Variants in CERKL observed in about 807,000 individuals in gnomAD.
CERKL encodes the protein ceramide kinase-like protein.
A neutral mutation model predicts 63.4 loss-of-function variants in CERKL; 61 were observed. That is an observed-to-expected ratio of 0.96 (90% CI 0.78 to 1.19). The LOEUF (loss-of-function observed/expected upper bound fraction) is 1.19. Among genes scored for constraint, CERKL ranks in the 50% most tolerant of loss-of-function variants. CERKL has a pLI of 0.00. For missense variants in CERKL, 675 were observed against 655.5 expected (o/e 1.03, Z -0.33); for synonymous variants, 250 against 230.5 (o/e 1.08, Z -0.77).
intron 1 of CERKL, among the ~76,000 whole-genome samples, chr2:181,606,564 A>G (rs1005913499): frequency 7.8e-5 from 1 of 12,776 alleles, no homozygotes; most frequent in Non-Finnish European, 1.6e-4. Flanking sequence ...AGGAGAGGGT[A>G]GGGGAGAAGG....
At chr2:181,596,198 T>A (rs962838080) in intron 2 of CERKL, among the ~76,000 whole-genome samples, 3 of 152,230 alleles carry the variant, frequency 2.0e-5, no homozygotes, top group African/African-American at 7.2e-5. Flanking sequence ...AGAAATAAGA[T>A]GACAATGAAT....
At chr2:181,601,040 A>C (rs1294053459) in intron 2 of CERKL, among the ~76,000 whole-genome samples, 2 of 152,210 alleles carry the variant, frequency 1.3e-5, no homozygotes, top group African/African-American at 4.8e-5. Flanking sequence ...AGAAATGAAG[A>C]ACAAGAGGAA....
Position 181,589,740 on chromosome 2 carries a change from T to C in CERKL, c.481+14097A>G, listed in dbSNP as rs573621007. ...AAACATGGGTGAATTTATCTATAAG[T>C]TGAGTGTAAAGAAAGTCTTACTACA... On this transcript the variant is annotated intron_variant, in intron 2 of 12. Transcript: ENST00000410087. Among the ~76,000 whole-genome samples the C allele has an allele frequency of 9.8e-5, 15 of 152,318 alleles. No individual in the cohort carries two copies. The South Asian group carries it at 1.5e-3, about 15-fold the overall frequency.
At position 181,537,966 on chromosome 2, in the gene CERKL, G is replaced by C. The variant is rs1176683433; in HGVS notation, c.*218C>G. 1.5e-5 allele frequency: 10 copies of C among 650,786 alleles called. No individual in the cohort carries two copies. In the African/African-American group the frequency reaches 1.8e-4, roughly 12 times the overall value. The allele number at this position is 650,786 out of a possible 1,614,324, so 40.3% of individuals were successfully genotyped here. ...GAAGTGCGAACCATATGGTGAACTG[G>C]TATGTGAGGGATCTAGAGTGCCATG... On this transcript the variant is annotated 3_prime_UTR_variant, in exon 13 of 13. Transcript: ENST00000410087.
At chr2:181,593,726 T>G (rs1685079362) in intron 2 of CERKL, among the ~76,000 whole-genome samples, 1 of 152,060 alleles carries the variant, frequency 6.6e-6, no homozygotes, top group Admixed American at 6.6e-5. Flanking sequence ...CAGTTTCTCA[T>G]CTACAAATCC....
chr2:181,539,134 A>C lies in CERKL; in HGVS notation c.1496T>G (p.Val499Gly). ...TASENCFPWN[V>G]DGDLMEVASE... ...TGCAACTTCCATTAAGTCACCATCT[A>C]CATTCCAAGGGAAACAATTTTCTGA... The change falls in exon 12 of 13, where the codon GTA becomes GGA. Residue 499 changes from valine (V) to glycine (G), a missense_variant. By Grantham distance (109) the Val-to-Gly change is moderately radical (BLOSUM62 -3). Transcript: ENST00000410087. 6.2e-7 allele frequency: 1 copy of C among 1,608,732 alleles called. No homozygotes were observed. The highest frequency in any genetic ancestry group is 1.1e-5 in the South Asian group (1 of 90,948).
At chr2:181,559,492 C>G (rs2105821609) in intron 4 of CERKL, among the ~76,000 whole-genome samples, 1 of 152,254 alleles carries the variant, frequency 6.6e-6, no homozygotes, top group African/African-American at 2.4e-5. Flanking sequence ...TGTCACAACT[C>G]AAGGGCTACA....
intron 1 of CERKL, among the ~76,000 whole-genome samples, chr2:181,627,842 C>T (rs1186401672): frequency 3.9e-5 from 6 of 152,140 alleles, no homozygotes; most frequent in Non-Finnish European, 7.3e-5. Context: ...CTGAAATGTG[C>T]CACTCTTATT....
At chr2:181,628,780 T>A (rs1401153926) in intron 1 of CERKL, among the ~76,000 whole-genome samples, 1 of 152,166 alleles carries the variant, frequency 6.6e-6, no homozygotes, top group Admixed American at 6.5e-5. Context: ...ACCCAAGTAA[T>A]TACTGCTGAG....
At chr2:181,645,928 G>C (rs1687654424) in intron 1 of CERKL, among the ~76,000 whole-genome samples, 1 of 152,096 alleles carries the variant, frequency 6.6e-6, no homozygotes, top group Non-Finnish European at 1.5e-5. Context: ...AAATTATATA[G>C]TATACAAGGA....
intron 2 of CERKL, among the ~76,000 whole-genome samples, chr2:181,586,811 G>C (rs1012316437): frequency 6.6e-6 from 1 of 152,192 alleles, no homozygotes; most frequent in Non-Finnish European, 1.5e-5. Flanking sequence ...CGGCAGGGAC[G>C]CCACTCCCAG....
At chr2:181,596,100 T>G (rs1318126127) in intron 2 of CERKL, among the ~76,000 whole-genome samples, 1 of 152,184 alleles carries the variant, frequency 6.6e-6, no homozygotes, top group African/African-American at 2.4e-5. Context: ...TCTGACAAAG[T>G]TTATCTAAAT....
At chr2:181,572,830 G>C (rs978662319) in intron 3 of CERKL, among the ~76,000 whole-genome samples, 1 of 137,674 alleles carries the variant, frequency 7.3e-6, no homozygotes, top group Non-Finnish European at 1.5e-5. Flanking sequence ...CAGATCACTA[G>C]GTGTAGGTTT....
chr2:181,571,130 A>T (rs1335436216), intron 3 of CERKL, among the ~76,000 whole-genome samples: 3 of 152,214 alleles, frequency 2.0e-5, no homozygotes, highest in Non-Finnish European at 2.9e-5. Context: ...GATAGGCAGG[A>T]AGACTAAAAC....
At chr2:181,545,340 T>C (rs774261806) in intron 10 of CERKL, among the ~76,000 whole-genome samples, 2 of 152,208 alleles carry the variant, frequency 1.3e-5, no homozygotes, top group African/African-American at 2.4e-5. Flanking sequence ...GTTAAATGAC[T>C]GAACATTTTA....
chr2:181,573,140 A>C (rs925075251), intron 3 of CERKL, among the ~76,000 whole-genome samples: 1 of 152,204 alleles, frequency 6.6e-6, no homozygotes, highest in Admixed American at 6.5e-5. Flanking sequence ...AGAAACAAAG[A>C]AATGTGACTA....
At chr2:181,552,932 G>T (rs998108392) in intron 5 of CERKL, among the ~76,000 whole-genome samples, 2 of 152,264 alleles carry the variant, frequency 1.3e-5, no homozygotes, top group South Asian at 2.1e-4. Context: ...TTCAGAGTCT[G>T]CAATTTATTA....
intron 4 of CERKL, among the ~76,000 whole-genome samples, chr2:181,559,160 A>T (rs1307217830): frequency 6.6e-6 from 1 of 152,208 alleles, no homozygotes; most frequent in Non-Finnish European, 1.5e-5. Context: ...TAAAATATGA[A>T]GCTTTAAGAA....
intron 8 of CERKL, chr2:181,548,227 A>G: frequency 2.0e-6 from 1 of 510,934 alleles, no homozygotes; most frequent in South Asian, 2.6e-5. Flanking sequence ...TAGGCACTCA[A>G]AAGAAAAGGG....
Sources: allele counts gnomAD v4.1 joint callset (sites outside exome capture counted in the v4.1 genomes callset), GRCh38; gene constraint gnomAD v4.1.1; transcripts MANE v1.5; gene names NCBI Gene and HGNC (gene_info 2026-07-23, HGNC 2026-07-21).